The following FTO variants were observed in gnomAD, a reference collection of about 807,000 sequenced individuals.
The protein encoded by FTO is FTO alpha-ketoglutarate dependent dioxygenase, also known as alpha-ketoglutarate-dependent dioxygenase FTO.
In FTO, 47 loss-of-function variants were observed where a neutral mutation model predicts 63.9. The observed-to-expected ratio is 0.74, with a 90% confidence interval of 0.58 to 0.94. FTO has a LOEUF of 0.94. Among genes scored for constraint, FTO ranks in the 40% least tolerant of loss-of-function variants. The pLI, the probability that FTO is intolerant of heterozygous loss-of-function variation, is 0.00. For synonymous variants in FTO, 207 were observed against 224.4 expected (o/e 0.92, Z 0.69); for missense variants, 562 against 618.1 (o/e 0.91, Z 0.96).
At chr16:53,983,156 A>C (rs1372047613) in intron 8 of FTO, among the ~76,000 whole-genome samples, 1 of 152,176 alleles carries the variant, frequency 6.6e-6, no homozygotes, top group Non-Finnish European at 1.5e-5. Flanking sequence ...TAAAAAATAT[A>C]TCATGAAGAA....
At chr16:53,891,617 C>T (rs528403710) in intron 7 of FTO, among the ~76,000 whole-genome samples, 13 of 152,252 alleles carry the variant, frequency 8.5e-5, no homozygotes, top group African/African-American at 3.1e-4. Flanking sequence ...GCTGTGATCG[C>T]GTTACTGCAC....
chr16:53,971,457 G>A (rs1475798142), intron 8 of FTO, among the ~76,000 whole-genome samples: 1 of 152,228 alleles, frequency 6.6e-6, no homozygotes, highest in Non-Finnish European at 1.5e-5. Context: ...AAACTGGTAG[G>A]TGAAAATTGG....
At chr16:53,852,493 T>G (rs1039289655) in intron 4 of FTO, among the ~76,000 whole-genome samples, 4 of 152,152 alleles carry the variant, frequency 2.6e-5, no homozygotes, top group East Asian at 3.9e-4. Context: ...TTTGACATGA[T>G]TGAGGTTTAC....
chr16:53,757,718 G>A (rs1004235111), intron 1 of FTO, among the ~76,000 whole-genome samples: 5 of 152,200 alleles, frequency 3.3e-5, no homozygotes, highest in African/African-American at 9.6e-5. Context: ...GTGGAGGAAA[G>A]GTATTTTTGG....
At chr16:53,975,668 C>CAAA (rs11388323) in intron 8 of FTO, among the ~76,000 whole-genome samples, 1 of 147,500 alleles carries the variant, frequency 6.8e-6, no homozygotes. Flanking sequence ...CTACAGTCCT[C>CAAA]AAAAAAAAAA....
chr16:53,981,465 G>A lies in FTO; in HGVS notation c.1364+47356G>A, dbSNP rs566414893. Reference sequence around the variant, plus strand: ...AGTAAACAATGAAGGAAAACCTGAAGCCTTCCTGCTTAAGAGCCATTCTGA... The same window carrying A: ...AGTAAACAATGAAGGAAAACCTGAAACCTTCCTGCTTAAGAGCCATTCTGA... On this transcript the variant is annotated intron_variant, in intron 8 of 8. Transcript: ENST00000471389. 5 of 152,322 alleles carry A rather than the reference G, an allele frequency of 3.3e-5. No individual in the cohort carries two copies. The East Asian group carries it at 9.7e-4, about 29-fold the overall frequency. 9.4% of individuals were successfully genotyped at this position (152,322 alleles called of 1,614,324 possible).
At chr16:53,924,610 G>C (rs1016586178) in intron 7 of FTO, among the ~76,000 whole-genome samples, 1 of 152,004 alleles carries the variant, frequency 6.6e-6, no homozygotes, top group African/African-American at 2.4e-5. Flanking sequence ...TATGAAGGGC[G>C]GGGGAGGGGA....
chr16:53,751,319 G>A (rs555783638), intron 1 of FTO, among the ~76,000 whole-genome samples: 123 of 152,246 alleles, frequency 8.1e-4, no homozygotes, highest in African/African-American at 2.4e-3. Flanking sequence ...TTAGCCGGGC[G>A]TGGTGGCCGG....
intron 8 of FTO, among the ~76,000 whole-genome samples, chr16:54,063,298 G>A (rs957882483): frequency 1.3e-5 from 2 of 152,232 alleles, no homozygotes; most frequent in Non-Finnish European, 1.5e-5. Context: ...GCGGAAGCAG[G>A]GGGGCCCTTA....
chr16:54,057,195 CCTAA>C (rs1346027309), intron 8 of FTO, among the ~76,000 whole-genome samples: 3 of 152,196 alleles, frequency 2.0e-5, no homozygotes, highest in African/African-American at 4.8e-5. Flanking sequence ...ACACTTTCTT[CCTAA>C]CTTTCACTTA....
intron 8 of FTO, among the ~76,000 whole-genome samples, chr16:53,949,697 CAAA>C (rs11344563): frequency 0.033 from 4,290 of 130,118 alleles, 166 homozygotes; most frequent in African/African-American, 0.11. Flanking sequence ...GCAGTTTGTG[CAAA>C]AAAAAAAAAA....
rs562379524 is a variant in FTO at position 53,911,995 on chromosome 16, A to G, written c.1240-21990A>G. Among the ~76,000 whole-genome samples, 11 of 152,372 alleles carry G rather than the reference A, an allele frequency of 7.2e-5. No homozygotes were observed. The East Asian group carries it at 1.9e-3, about 27-fold the overall frequency. On this transcript the variant is annotated intron_variant, in intron 7 of 8. Transcript: ENST00000471389. ...ATTTGTGGAGCAAAATGAAAAATCAATATCGTAACTACAGGATAGCTCTTT... is the reference window on the plus strand; with the variant it reads ...ATTTGTGGAGCAAAATGAAAAATCAGTATCGTAACTACAGGATAGCTCTTT...
chr16:54,063,163 C>G (rs552034568), intron 8 of FTO, among the ~76,000 whole-genome samples: 1 of 152,254 alleles, frequency 6.6e-6, no homozygotes, highest in South Asian at 2.1e-4. Context: ...TGCTTACTTT[C>G]CGTTTTCCCC....
intron 3 of FTO, among the ~76,000 whole-genome samples, chr16:53,828,959 C>T (rs4784326): frequency 0.25 from 37,714 of 152,178 alleles, 5,411 homozygotes; most frequent in Non-Finnish European, 0.32. Flanking sequence ...GGCACGATCT[C>T]GGCTCACTGC....
intron 1 of FTO, among the ~76,000 whole-genome samples, chr16:53,801,518 A>T (rs1348857535): frequency 6.6e-6 from 1 of 152,010 alleles, no homozygotes; most frequent in Non-Finnish European, 1.5e-5. Context: ...ACCATTTCTG[A>T]TACTCTTCAT....
chr16:53,738,168 A>G (rs962860625), intron 1 of FTO, among the ~76,000 whole-genome samples: 5 of 151,866 alleles, frequency 3.3e-5, no homozygotes, highest in African/African-American at 1.2e-4. Context: ...GATTACAAGC[A>G]TGCGCCACCA....
chr16:53,730,072 G>A (rs1242655733), intron 1 of FTO, among the ~76,000 whole-genome samples: 1 of 152,112 alleles, frequency 6.6e-6, no homozygotes, highest in African/African-American at 2.4e-5. Flanking sequence ...ATTTATCATG[G>A]ACTTCAAATG....
At chr16:53,873,137 T>C (rs1334838429) in intron 4 of FTO, among the ~76,000 whole-genome samples, 1 of 152,170 alleles carries the variant, frequency 6.6e-6, no homozygotes, top group Non-Finnish European at 1.5e-5. Flanking sequence ...ATACTTTGAT[T>C]ATGGAGGGAA....
At chr16:53,820,253 G>C (rs9937429) in intron 2 of FTO, among the ~76,000 whole-genome samples, 116,290 of 151,798 alleles carry the variant, frequency 0.77, 44,587 homozygotes, top group African/African-American at 0.81. Context: ...AGATGATCCA[G>C]CTGCCTCGGC....
Sources: gnomAD v4.1 joint callset for allele counts (sites outside exome capture counted in the v4.1 genomes callset) on GRCh38, gnomAD v4.1.1 for gene constraint, MANE v1.5 for transcripts, NCBI Gene and HGNC (gene_info 2026-07-23, HGNC 2026-07-21) for gene names.